The following MPDZ variants were observed in gnomAD, a reference collection of about 807,000 sequenced individuals.
MPDZ encodes multiple PDZ domain protein.
In MPDZ, 234 loss-of-function variants were observed where a neutral mutation model predicts 239.1. That is an observed-to-expected ratio of 0.98 (90% CI 0.88 to 1.09). The LOEUF is 1.09. Among genes scored for constraint, MPDZ ranks in the 50% least tolerant of loss-of-function variants. The pLI, the probability that MPDZ is intolerant of heterozygous loss-of-function variation, is 0.00. For missense variants in MPDZ, 3,175 were observed against 2,510.0 expected, an observed-to-expected ratio of 1.26 and a Z score of -5.66; for synonymous variants, 1,048 against 881.3, an observed-to-expected ratio of 1.19 and a Z score of -3.35.
At chr9:13,150,336 G>T (rs542440940) in intron 25 of MPDZ, among the ~76,000 whole-genome samples, 175 bp downstream of exon 25, 2 of 152,108 alleles carry the variant, frequency 1.3e-5, no homozygotes, top group African/African-American at 4.8e-5. Context: ...TTACTCGAAT[G>T]CTGGGTTGAG....
chr9:13,157,513 T>A (rs770932902), intron 24 of MPDZ, among the ~76,000 whole-genome samples: 12 of 152,142 alleles, frequency 7.9e-5, no homozygotes, highest in Non-Finnish European at 1.5e-5. Flanking sequence ...ACGTGATACA[T>A]CTAAGTATAT....
chr9:13,278,339 C>G (rs1423752886), intron 1 of MPDZ, among the ~76,000 whole-genome samples: 1 of 152,176 alleles, frequency 6.6e-6, no homozygotes. Flanking sequence ...CGGAGCACCT[C>G]AAAAGCCGCA....
At chr9:13,182,379 AAT>A (rs1953464476) in intron 19 of MPDZ, among the ~76,000 whole-genome samples, 1 of 152,084 alleles carries the variant, frequency 6.6e-6, no homozygotes, top group African/African-American at 2.4e-5. Context: ...CTTTCCTCAT[AAT>A]ATGTTATAAT....
At chr9:13,244,507 T>C (rs1439996533) in intron 3 of MPDZ, among the ~76,000 whole-genome samples, 5 of 152,312 alleles carry the variant, frequency 3.3e-5, no homozygotes, top group East Asian at 1.9e-4. Flanking sequence ...TCAGGTTTAA[T>C]AGCATGCATC....
intron 20 of MPDZ, 129 bp from the exon 21 acceptor site, chr9:13,176,004 G>A: frequency 2.1e-6 from 3 of 1,406,530 alleles, no homozygotes; most frequent in Non-Finnish European, 2.8e-6. Flanking sequence ...ACCAAAACAA[G>A]TTCATAGGTT....
chr9:13,171,224 A>C (rs938434072), intron 21 of MPDZ, among the ~76,000 whole-genome samples: 3 of 152,194 alleles, frequency 2.0e-5, no homozygotes, highest in Non-Finnish European at 4.4e-5. Context: ...AACTAAAAAC[A>C]AAACAAAACT....
chr9:13,225,439 ACTAT>A (rs1249392199), intron 3 of MPDZ, among the ~76,000 whole-genome samples: 1 of 151,892 alleles, frequency 6.6e-6, no homozygotes, highest in Non-Finnish European at 1.5e-5. Flanking sequence ...CAGTATATTG[ACTAT>A]CTAGTAGTGT....
chr9:13,132,464 A>G (rs901667436), intron 32 of MPDZ, among the ~76,000 whole-genome samples: 2 of 152,172 alleles, frequency 1.3e-5, no homozygotes, highest in African/African-American at 4.8e-5. Context: ...GGTTCTGAGT[A>G]GGGGATTAAG....
chr9:13,122,921 G>A (rs781473525), intron 36 of MPDZ, among the ~76,000 whole-genome samples: 1 of 152,172 alleles, frequency 6.6e-6, no homozygotes, highest in Non-Finnish European at 1.5e-5. Flanking sequence ...GAAATTTCAA[G>A]ATCAAAATCA....
intron 1 of MPDZ, among the ~76,000 whole-genome samples, chr9:13,254,108 T>G (rs957945280): frequency 2.6e-5 from 4 of 152,164 alleles, no homozygotes; most frequent in Non-Finnish European, 4.4e-5. Flanking sequence ...TAGACCATGC[T>G]CTACATAAAG....
At position 13,119,468 on chromosome 9, in the gene MPDZ, G is replaced by A. The variant is rs189049715; in HGVS notation, c.5379+34C>T. 1.8e-5 allele frequency: 28 copies of A among 1,577,758 alleles called. 1 individual carries two copies. In the African/African-American group the frequency reaches 2.5e-4, roughly 14 times the overall value. ...GTTAAAATTATCTTTTTTCTTCTAC[G>A]CTATTACACAGAATTATTTTTTGCA... On this transcript the variant is annotated intron_variant, in intron 39 of 46. Transcript: ENST00000319217.
Position 13,115,265 on chromosome 9 carries a change from G to A in MPDZ, c.5449C>T (p.Pro1817Ser). 7 of 1,612,540 alleles carry A rather than the reference G, an allele frequency of 4.3e-6. No homozygotes were observed. The highest frequency in any genetic ancestry group is 2.2e-5 in the East Asian group (1 of 44,850). The part of the protein sequence containing the change: ...KAGPFHSERR[P>S]SQSSQVSEGS... ...CTACCCACCTGGCTGCTTTGAGATG[G>A]CCTCCTCTCTGAATGGAATGGACCA... Residue 1817 changes from proline to serine, a missense_variant, in exon 40 of 47, where the codon CCA becomes TCA. Physicochemically the swap from Pro to Ser is moderately conservative, Grantham distance 74. Coordinates refer to ENST00000319217, the MANE Select transcript of MPDZ (RefSeq NM_001378778.1).
intron 19 of MPDZ, among the ~76,000 whole-genome samples, chr9:13,179,725 A>C (rs1036385128): frequency 1.3e-5 from 2 of 152,166 alleles, no homozygotes; most frequent in African/African-American, 4.8e-5. Context: ...GTCCTCAGTA[A>C]AAAATTAAAA....
chr9:13,183,578 G>A lies in MPDZ; in HGVS notation c.2489C>T (p.Thr830Ile). ...LFRADLALVG[T>I]NDADLVDEST... is the part of the protein sequence containing the mutation. ...TTCATCTACTAAGTCAGCATCATTT[G>A]TGCCCACCTAGAAACAAAACAATAA... Residue 830 changes from threonine to isoleucine, a missense_variant, in exon 19 of 47, where the codon ACA becomes ATA. Coordinates refer to ENST00000319217, the MANE Select transcript of MPDZ (RefSeq NM_001378778.1). The A allele has an allele frequency of 6.2e-7, 1 of 1,611,846 alleles. No individual in the cohort carries two copies. The highest frequency in any genetic ancestry group is 8.5e-7 in the Non-Finnish European group (1 of 1,178,764).
chr9:13,216,998 G>C, intron 9 of MPDZ, 136 bp from the exon 10 acceptor site: 1 of 807,290 alleles, frequency 1.2e-6, no homozygotes, highest in Non-Finnish European at 1.9e-6. Context: ...TAAAGAATAA[G>C]ATAATTGTTT....
Position 13,229,590 on chromosome 9 carries a change from A to T in MPDZ, c.184-5007T>A, listed in dbSNP as rs77367213. Among the ~76,000 whole-genome samples the T allele has an allele frequency of 3.8e-4, 58 of 151,634 alleles. No homozygotes were observed. The East Asian group carries it at 0.011, about 29-fold the overall frequency. ...ACACACCACACTTACACACACACACACACACACACACACACCCCCATCCAC... is the reference window on the plus strand; with the variant it reads ...ACACACCACACTTACACACACACACTCACACACACACACACCCCCATCCAC... On this transcript the variant is annotated intron_variant, in intron 3 of 46. Transcript: ENST00000319217.
intron 15 of MPDZ, among the ~76,000 whole-genome samples, 186 bp from the exon 16 acceptor site, chr9:13,190,485 A>G (rs1459343682): frequency 1.3e-5 from 2 of 152,204 alleles, no homozygotes; most frequent in African/African-American, 4.8e-5. Flanking sequence ...TTAAGAAGGA[A>G]GAAATACCTA....
At chr9:13,187,977 A>G (rs1157858450) in intron 17 of MPDZ, among the ~76,000 whole-genome samples, 2 of 152,260 alleles carry the variant, frequency 1.3e-5, no homozygotes, top group Admixed American at 6.6e-5. Flanking sequence ...AAACTGATGA[A>G]CCCATTTTGG....
At chr9:13,189,849 A>C (rs774742104) in intron 16 of MPDZ, among the ~76,000 whole-genome samples, 1 of 152,158 alleles carries the variant, frequency 6.6e-6, no homozygotes, top group Admixed American at 6.6e-5. Context: ...AAATAGCATA[A>C]GCACTTCCCA....
Sources: gnomAD v4.1 joint callset for allele counts (sites outside exome capture counted in the v4.1 genomes callset) on GRCh38, gnomAD v4.1.1 for gene constraint, MANE v1.5 for transcripts, NCBI Gene and HGNC (gene_info 2026-07-23, HGNC 2026-07-21) for gene names.